Variants in DNAJA3 observed in about 807,000 individuals in gnomAD.
DNAJA3 encodes dnaJ homolog subfamily A member 3, mitochondrial.
Under a neutral mutation model 54.9 loss-of-function variants are expected in DNAJA3, and 29 were observed. The observed-to-expected ratio is 0.53, with a 90% CI of 0.39 to 0.72. DNAJA3 has a LOEUF of 0.72. Ranked by LOEUF, DNAJA3 falls within the 30% of genes least tolerant of loss-of-function variation. DNAJA3 has a pLI of 0.00. For synonymous variants in DNAJA3, 302 were observed against 251.4 expected, an observed-to-expected ratio of 1.20 and a Z score of -1.90; for missense variants, 708 against 639.4, an observed-to-expected ratio of 1.11 and a Z score of -1.16.
Position 4,435,086 on chromosome 16 carries a change from G to T in DNAJA3, c.345+569G>T, listed in dbSNP as rs150699900. On this transcript the variant is annotated intron_variant, in intron 2 of 11. Transcript: ENST00000262375. ...TAATTTTTTTTGTATTTTTAGTAGA[G>T]ACGCGGTTTCACTTTGTTGGTCAGG... Among the ~76,000 whole-genome samples the T allele has an allele frequency of 4.0e-3, 607 of 151,772 alleles. 2 individuals carry two copies. Among genetic ancestry groups the T allele is most frequent in the Non-Finnish European group, 6.7e-3 (452 of 67,924 alleles).
At position 4,441,547 on chromosome 16, in the gene DNAJA3, T is replaced by G; in HGVS notation, c.602T>G (p.Phe201Cys). ...GEFSSSSFGD[F>C]QTVFDQPQEY... ...TTCTCATCCTCTTCATTTGGAGATT[T>G]CCAGACCGTGTTTGATCAGCCTCAG... Residue 201 changes from phenylalanine (F) to cysteine (C), a missense_variant, in exon 4 of 12, where the codon TTC (phenylalanine) becomes TGC (cysteine). Coordinates refer to ENST00000262375, the MANE Select transcript of DNAJA3 (RefSeq NM_005147.6). The G allele has an allele frequency of 6.2e-7, 1 of 1,614,146 alleles. No homozygotes were observed. The highest frequency in any genetic ancestry group is 8.5e-7 in the Non-Finnish European group (1 of 1,180,044).
chr16:4,426,391 C>T (rs145093335), intron 1 of DNAJA3, among the ~76,000 whole-genome samples: 122 of 152,314 alleles, frequency 8.0e-4, no homozygotes, highest in African/African-American at 2.7e-3. Context: ...TCTTCCTTTC[C>T]CATCTCTCCA....
intron 2 of DNAJA3, among the ~76,000 whole-genome samples, chr16:4,437,167 C>T (rs568565503): frequency 4.7e-4 from 72 of 152,210 alleles, no homozygotes; most frequent in African/African-American, 1.7e-3. Context: ...AGAGGGGTTT[C>T]GCTGTGTTGC....
Position 4,443,045 on chromosome 16 carries a change from T to C in DNAJA3, c.812T>C (p.Met271Thr), listed in dbSNP as rs1170210740. Residue 271 changes from methionine (M) to threonine (T), a missense_variant, in exon 6 of 12, where the codon ATG becomes ACG. Met to Thr is a moderately conservative substitution (Grantham distance 81). Coordinates refer to ENST00000262375, the MANE Select transcript of DNAJA3 (RefSeq NM_005147.6). ...ACCATCAACACAGGCCCTTTTGTGATGCGTTCCACGTGTAGGAGATGTGGT... is the reference window on the plus strand; with the variant it reads ...ACCATCAACACAGGCCCTTTTGTGACGCGTTCCACGTGTAGGAGATGTGGT... ...METINTGPFV[M>T]RSTCRRCGGR... is the part of the protein sequence containing the mutation. The C allele has an allele frequency of 2.5e-6, 4 of 1,614,034 alleles. No homozygotes were observed. The African/African-American group carries it at 4.0e-5, about 16-fold the overall frequency.
chr16:4,448,669 A>G (rs1028662371), intron 8 of DNAJA3, 64 bp from the exon 9 acceptor site: 1 of 1,097,266 alleles, frequency 9.1e-7, no homozygotes. Flanking sequence ...GTCTTCATGT[A>G]GTGAAAACTT....
chr16:4,437,789 A>AC (rs1371996871), intron 3 of DNAJA3, among the ~76,000 whole-genome samples: 1 of 150,262 alleles, frequency 6.7e-6, no homozygotes, highest in Non-Finnish European at 1.5e-5. Flanking sequence ...GTCTCTACAA[A>AC]AAAAAAAAAA....
chr16:4,429,980 G>A (rs983480806), intron 1 of DNAJA3, among the ~76,000 whole-genome samples: 182 of 150,768 alleles, frequency 1.2e-3, no homozygotes, highest in African/African-American at 4.1e-3. Context: ...CTGGGCAACA[G>A]AGTATGACTC....
In DNAJA3 at chr16:4,442,263, T is replaced by G; in HGVS notation, c.631-5T>G. ...AGTTGACAGGCTGTCCCTTGGTTTC[T>G]TTAGTACTTCATGGAGTTGACATTC... is the stretch of plus-strand genomic sequence containing the variant. On this transcript the variant is annotated splice_region_variant and splice_polypyrimidine_tract_variant and intron_variant, in intron 4 of 11. Coordinates refer to ENST00000262375, the MANE Select transcript of DNAJA3 (RefSeq NM_005147.6). The G allele has an allele frequency of 6.3e-7, 1 of 1,581,422 alleles. No homozygotes were observed. Among genetic ancestry groups the G allele is most frequent in the South Asian group, 1.2e-5 (1 of 86,168 alleles).
intron 7 of DNAJA3, among the ~76,000 whole-genome samples, chr16:4,446,213 G>T (rs1298266640): frequency 6.6e-6 from 1 of 151,142 alleles, no homozygotes; most frequent in Non-Finnish European, 1.5e-5. Context: ...GAGCCACCAC[G>T]GCTGGCCTAT....
In DNAJA3 at chr16:4,444,721, C is replaced by T. The variant is rs752780622; in HGVS notation, c.989C>T (p.Thr330Met). ...GTGGGAAAAAGGGAAATTTTCATTACGTTCAGGGTAGGTGCCCTGCCCCGC... is the reference window on the plus strand; with the variant it reads ...GTGGGAAAAAGGGAAATTTTCATTATGTTCAGGGTAGGTGCCCTGCCCCGC... ...MPVGKREIFI[T>M]FRVQKSPVFR... is the part of the protein sequence containing the mutation. The change falls in exon 7 of 12, where the codon ACG becomes ATG. Residue 330 changes from threonine (T) to methionine (M), a missense_variant. By Grantham distance (81) the Thr-to-Met change is moderately conservative. Transcript: ENST00000262375. 2.4e-5 allele frequency: 38 copies of T among 1,614,044 alleles called. No homozygotes were observed. The highest frequency in any genetic ancestry group is 3.3e-5 in the South Asian group (3 of 91,066).
intron 3 of DNAJA3, among the ~76,000 whole-genome samples, chr16:4,438,638 T>TC (rs1053477514): frequency 3.4e-5 from 5 of 146,488 alleles, no homozygotes; most frequent in African/African-American, 1.2e-4. Flanking sequence ...ATCTTTTCTT[T>TC]TTTTTTTTTT....
intron 4 of DNAJA3, 89 bp from the exon 5 acceptor site, chr16:4,442,179 G>T (rs760678947): frequency 9.7e-6 from 13 of 1,343,186 alleles, no homozygotes; most frequent in Non-Finnish European, 1.2e-5. Context: ...CTGAAAATGT[G>T]GGCCAGTACC....
At chr16:4,427,561 A>T (rs1256958378) in intron 1 of DNAJA3, among the ~76,000 whole-genome samples, 2 of 152,230 alleles carry the variant, frequency 1.3e-5, no homozygotes, top group Non-Finnish European at 2.9e-5. Flanking sequence ...AAATTCATTC[A>T]TTCACAGGTG....
chr16:4,432,726 C>T (rs1191845267), intron 1 of DNAJA3, among the ~76,000 whole-genome samples: 2 of 152,258 alleles, frequency 1.3e-5, no homozygotes, highest in African/African-American at 2.4e-5. Context: ...GTCCCAGTTA[C>T]TTGGGAGGCT....
At chr16:4,432,166 A>G (rs1182741556) in intron 1 of DNAJA3, among the ~76,000 whole-genome samples, 4 of 149,272 alleles carry the variant, frequency 2.7e-5, no homozygotes, top group Non-Finnish European at 4.4e-5. Flanking sequence ...AGTATGTCAT[A>G]TAAGTTCAAG....
Position 4,437,956 on chromosome 16 carries a change from A to G in DNAJA3, c.429+471A>G, listed in dbSNP as rs1233242379. On this transcript the variant is annotated intron_variant, in intron 3 of 11. Coordinates refer to ENST00000262375, the MANE Select transcript of DNAJA3 (RefSeq NM_005147.6). ...GGGCAACAGAAAAAGACCTTCTCTC[A>G]AAAAATAAAAAATTAAAAAAAAAAC... Among the ~76,000 whole-genome samples the G allele has an allele frequency of 2.6e-5, 4 of 151,926 alleles. No homozygotes were observed. In the East Asian group the frequency reaches 5.8e-4, roughly 22 times the overall value.
At chr16:4,449,308 T>C (rs1046507701) in intron 9 of DNAJA3, among the ~76,000 whole-genome samples, 1 of 152,198 alleles carries the variant, frequency 6.6e-6, no homozygotes, top group Admixed American at 6.6e-5. Flanking sequence ...AATGGTCGAC[T>C]TCTTGGAGTT....
intron 8 of DNAJA3, chr16:4,447,317 C>T (rs1032514711): frequency 3.2e-6 from 1 of 314,644 alleles, no homozygotes; most frequent in Non-Finnish European, 5.9e-6. Context: ...GCTCTCTGCA[C>T]TTGCTTCTGT....
At chr16:4,435,972 A>T (rs2056767620) in intron 2 of DNAJA3, among the ~76,000 whole-genome samples, 1 of 152,250 alleles carries the variant, frequency 6.6e-6, no homozygotes, top group Admixed American at 6.5e-5. Context: ...TCCACATCCC[A>T]GTGAACACTT....
Sources: allele counts gnomAD v4.1 joint callset (sites outside exome capture counted in the v4.1 genomes callset), GRCh38; gene constraint gnomAD v4.1.1; transcripts MANE v1.5; gene names NCBI Gene and HGNC (gene_info 2026-07-23, HGNC 2026-07-21).